Variants in RPS6KC1 observed in about 807,000 individuals in gnomAD.
RPS6KC1 encodes the protein ribosomal protein S6 kinase C1.
In RPS6KC1, 54 loss-of-function variants were observed where a neutral mutation model predicts 103.8. The observed-to-expected ratio is 0.52, with a 90% CI of 0.42 to 0.65. RPS6KC1 has a LOEUF of 0.65. Among genes scored for constraint, RPS6KC1 ranks in the 30% least tolerant of loss-of-function variants. The pLI is 0.00. For missense variants in RPS6KC1, 1,151 were observed against 1,253.8 expected (o/e 0.92, Z 1.24); for synonymous variants, 439 against 438.7 (o/e 1.00, Z -0.01).
In RPS6KC1 at chr1:213,117,806, T is replaced by C. The variant is rs533184100; in HGVS notation, c.472+396T>C. 7.9e-5 allele frequency among the ~76,000 whole-genome samples: 12 copies of C among 151,760 alleles called. No homozygotes were observed. In the East Asian group the frequency reaches 2.3e-3, roughly 29 times the overall value. ...GGGAGGCTGAGGTGGGTGAATCACC[T>C]GAGGTCAGGAGTTTGAGACCAGCCG... On this transcript the variant is annotated intron_variant, in intron 5 of 14. Coordinates refer to ENST00000366960, the MANE Select transcript of RPS6KC1 (RefSeq NM_012424.6).
chr1:213,370,196 T>G, the RPS6KC1 span, among the ~76,000 whole-genome samples: 2 of 152,130 alleles, frequency 1.3e-5, no homozygotes, highest in Non-Finnish European at 2.9e-5. Context: ...CCCAGGCTCT[T>G]GCTTGTACTA....
At chr1:213,812,660 C>A in the RPS6KC1 span, among the ~76,000 whole-genome samples, 4 of 152,128 alleles carry the variant, frequency 2.6e-5, no homozygotes, top group African/African-American at 9.7e-5. Context: ...TATTTATTCC[C>A]AGATAAATTG....
At chr1:213,736,420 G>C in the RPS6KC1 span, among the ~76,000 whole-genome samples, 2 of 152,194 alleles carry the variant, frequency 1.3e-5, no homozygotes, top group Admixed American at 1.3e-4. Flanking sequence ...AGGGCCTGAA[G>C]ACAACACACA....
At chr1:213,126,192 TA>T (rs1469339701) in intron 5 of RPS6KC1, among the ~76,000 whole-genome samples, 1 of 152,118 alleles carries the variant, frequency 6.6e-6, no homozygotes, top group Non-Finnish European at 1.5e-5. Flanking sequence ...ATAAAATATT[TA>T]AAATGACAAG....
At chr1:213,153,181 A>G (rs1027319017) in intron 6 of RPS6KC1, among the ~76,000 whole-genome samples, 13 of 152,208 alleles carry the variant, frequency 8.5e-5, no homozygotes, top group South Asian at 2.1e-4. Flanking sequence ...TGGCAGCAGT[A>G]CAGTCTAGCT....
At chr1:213,623,938 C>T in the RPS6KC1 span, among the ~76,000 whole-genome samples, 3 of 152,136 alleles carry the variant, frequency 2.0e-5, no homozygotes, top group Non-Finnish European at 4.4e-5. Flanking sequence ...CCAGGGTTAC[C>T]GCTGGACACT....
chr1:213,621,860 C>T, the RPS6KC1 span, among the ~76,000 whole-genome samples: 4 of 152,082 alleles, frequency 2.6e-5, no homozygotes, highest in Admixed American at 6.6e-5. Flanking sequence ...AACGTGATGC[C>T]CTATTTCTTT....
chr1:213,084,830 C>T (rs1458539608), intron 3 of RPS6KC1, among the ~76,000 whole-genome samples: 2 of 152,102 alleles, frequency 1.3e-5, no homozygotes, highest in African/African-American at 2.4e-5. Flanking sequence ...GATGTTTTCT[C>T]ATGTTTAGTT....
the RPS6KC1 span, among the ~76,000 whole-genome samples, chr1:213,768,057 C>T: frequency 7.2e-5 from 11 of 152,220 alleles, no homozygotes; most frequent in East Asian, 1.9e-4. Flanking sequence ...TCATTAGTGC[C>T]GGGTATTTAT....
intron 3 of RPS6KC1, among the ~76,000 whole-genome samples, chr1:213,085,199 C>T (rs1010394155): frequency 2.6e-5 from 4 of 152,136 alleles, no homozygotes; most frequent in African/African-American, 9.7e-5. Flanking sequence ...TGGCTTGTGG[C>T]AGCATTACTT....
intron 8 of RPS6KC1, among the ~76,000 whole-genome samples, chr1:213,180,226 T>C (rs2092179966): frequency 6.6e-6 from 1 of 152,162 alleles, no homozygotes. Context: ...TGTATAATGT[T>C]TTCTCTAATC....
chr1:213,442,033 G>C, the RPS6KC1 span, among the ~76,000 whole-genome samples: 4 of 152,202 alleles, frequency 2.6e-5, no homozygotes, highest in Non-Finnish European at 4.4e-5. Flanking sequence ...TGGGAGGAGA[G>C]ACTTTGCCAT....
Position 213,104,523 on chromosome 1 carries a change from A to G in RPS6KC1, c.332A>G (p.Asn111Ser), listed in dbSNP as rs1236080155. The G allele has an allele frequency of 5.0e-6, 8 of 1,612,364 alleles. No homozygotes were observed. The African/African-American group carries it at 6.7e-5, about 13-fold the overall frequency. Residue 111 changes from asparagine (N) to serine (S), a missense_variant, in exon 4 of 15, where the codon AAT (asparagine) becomes AGT (serine). By Grantham distance (46) the Asn-to-Ser change is conservative. Coordinates refer to ENST00000366960, the MANE Select transcript of RPS6KC1 (RefSeq NM_012424.6). ...GAAGACCTGCTACAGTTCTCTGCCA[A>G]TATTCCTGCTCTTTACAATAGTAAA... The part of the protein sequence containing the change: ...CAEDLLQFSA[N>S]IPALYNSKQL...
chr1:213,606,281 G>A, the RPS6KC1 span, among the ~76,000 whole-genome samples: 257 of 152,292 alleles, frequency 1.7e-3, 1 homozygote, highest in African/African-American at 6.0e-3. Context: ...ACCTTCTGGG[G>A]CTGGCAAACA....
At chr1:213,154,016 A>G (rs534555828) in intron 6 of RPS6KC1, among the ~76,000 whole-genome samples, 1 of 152,192 alleles carries the variant, frequency 6.6e-6, no homozygotes, top group Admixed American at 6.5e-5. Context: ...TCTTAGAGGT[A>G]CCAGCCACCT....
chr1:213,077,417 T>G (rs2079441240), intron 2 of RPS6KC1, among the ~76,000 whole-genome samples: 1 of 152,154 alleles, frequency 6.6e-6, no homozygotes, highest in Non-Finnish European at 1.5e-5. Flanking sequence ...AAATGAAAAT[T>G]TGAAACCAAA....
At chr1:213,717,114 G>C in the RPS6KC1 span, among the ~76,000 whole-genome samples, 1 of 152,204 alleles carries the variant, frequency 6.6e-6, no homozygotes, top group Non-Finnish European at 1.5e-5. Flanking sequence ...TAGCAGCATG[G>C]CAAAATGAAT....
the RPS6KC1 span, among the ~76,000 whole-genome samples, chr1:213,764,556 A>G: frequency 6.6e-6 from 1 of 152,210 alleles, no homozygotes; most frequent in Admixed American, 6.5e-5. Flanking sequence ...CATGAATCCT[A>G]CAACCTCAGA....
the RPS6KC1 span, among the ~76,000 whole-genome samples, chr1:213,314,468 A>G: frequency 2.0e-4 from 30 of 152,306 alleles, no homozygotes; most frequent in African/African-American, 6.3e-4. Flanking sequence ...TGGAACAGCA[A>G]GGAATGGAAT....
Sources: gnomAD v4.1 joint callset for allele counts (sites outside exome capture counted in the v4.1 genomes callset) on GRCh38, gnomAD v4.1.1 for gene constraint, MANE v1.5 for transcripts, NCBI Gene and HGNC (gene_info 2026-07-23, HGNC 2026-07-21) for gene names.